STK33: variants seen among roughly 807,000 people sequenced by gnomAD.
The protein encoded by STK33 is serine/threonine kinase 33.
A neutral mutation model predicts 58.0 loss-of-function variants in STK33; 52 were observed. That is an observed-to-expected ratio of 0.90 (90% CI 0.72 to 1.13). STK33 has a LOEUF of 1.13. Ranked by LOEUF, STK33 falls within the 50% of genes most tolerant of loss-of-function variation. The pLI, the probability that STK33 is intolerant of heterozygous loss-of-function variation, is 0.00. For missense variants in STK33, 630 were observed against 604.2 expected, an observed-to-expected ratio of 1.04 and a Z score of -0.45; for synonymous variants, 215 against 200.1, an observed-to-expected ratio of 1.07 and a Z score of -0.63.
chr11:8,462,440 TATACAC>T (rs1403195355), intron 7 of STK33, among the ~76,000 whole-genome samples: 3,693 of 126,460 alleles, frequency 0.029, 162 homozygotes, highest in African/African-American at 0.093. Flanking sequence ...TATATACATA[TATACAC>T]ACACACACAC....
At chr11:8,499,568 T>TG (rs1951345564) in intron 1 of STK33, among the ~76,000 whole-genome samples, 1 of 152,184 alleles carries the variant, frequency 6.6e-6, no homozygotes, top group Admixed American at 6.5e-5. Context: ...ATCCCATTAC[T>TG]GGGTATATAC....
intron 1 of STK33, among the ~76,000 whole-genome samples, chr11:8,553,538 C>T (rs527429502): frequency 7.9e-5 from 12 of 151,982 alleles, no homozygotes; most frequent in South Asian, 4.2e-4. Flanking sequence ...TGTTGTTATA[C>T]GCTATACGAC....
At chr11:8,383,514 G>C in the STK33 span, among the ~76,000 whole-genome samples, 2 of 152,182 alleles carry the variant, frequency 1.3e-5, no homozygotes, top group African/African-American at 4.8e-5. Context: ...TGAAGGAACA[G>C]TTCAGACAGT....
At chr11:8,544,814 T>C (rs1414513975) in intron 1 of STK33, among the ~76,000 whole-genome samples, 1 of 152,204 alleles carries the variant, frequency 6.6e-6, no homozygotes, top group African/African-American at 2.4e-5. Flanking sequence ...CAATTATAAA[T>C]GTTTACACAT....
At chr11:8,354,474 TCACACA>T in the STK33 span, among the ~76,000 whole-genome samples, 216 of 124,682 alleles carry the variant, frequency 1.7e-3, no homozygotes, top group East Asian at 7.4e-3. Flanking sequence ...CTGCAAAACC[TCACACA>T]CACACACACA....
chr11:8,489,257 CAAAAAAAAAAAAAAGAA>C (rs1256934616), intron 1 of STK33, among the ~76,000 whole-genome samples: 1 of 64,364 alleles, frequency 1.6e-5, no homozygotes, highest in Non-Finnish European at 2.9e-5. Flanking sequence ...AAGCTATCTC[CAAAAAAAAAAAAAAGAA>C]AAAAAAAAAG....
the STK33 span, among the ~76,000 whole-genome samples, chr11:8,364,490 G>T: frequency 6.6e-6 from 1 of 152,188 alleles, no homozygotes; most frequent in African/African-American, 2.4e-5. Flanking sequence ...TGATGTGATT[G>T]GTCATTGATC....
intron 10 of STK33, among the ~76,000 whole-genome samples, chr11:8,454,432 A>G (rs1312359138): frequency 2.0e-5 from 3 of 152,214 alleles, no homozygotes; most frequent in Non-Finnish European, 2.9e-5. Context: ...TCTGTAACAC[A>G]TTTACATCAA....
At chr11:8,397,790 T>C (rs920758019) in intron 15 of STK33, among the ~76,000 whole-genome samples, 1 of 151,990 alleles carries the variant, frequency 6.6e-6, no homozygotes. Flanking sequence ...CTGAAAACCA[T>C]GGCATGAGAA....
At chr11:8,512,193 T>A (rs1164064823) in intron 1 of STK33, among the ~76,000 whole-genome samples, 1 of 152,212 alleles carries the variant, frequency 6.6e-6, no homozygotes, top group Non-Finnish European at 1.5e-5. Flanking sequence ...TAAGTTTTCC[T>A]TGCTACTTAT....
At chr11:8,510,797 A>G (rs1453369540) in intron 1 of STK33, among the ~76,000 whole-genome samples, 3 of 152,064 alleles carry the variant, frequency 2.0e-5, no homozygotes, top group Non-Finnish European at 4.4e-5. Context: ...TGCTTTGTTG[A>G]AGGTCAGTTG....
At chr11:8,396,996 C>A (rs573911911) in intron 15 of STK33, among the ~76,000 whole-genome samples, 211 of 152,326 alleles carry the variant, frequency 1.4e-3, no homozygotes, top group Middle Eastern at 6.8e-3. Context: ...CACCGCAGCT[C>A]AAGGAGGCCT....
chr11:8,579,363 T>C (rs1345176904), intron 1 of STK33, among the ~76,000 whole-genome samples: 3 of 152,048 alleles, frequency 2.0e-5, no homozygotes, highest in African/African-American at 7.2e-5. Flanking sequence ...TGTATCCCTA[T>C]TTTAACAATT....
At chr11:8,591,807 G>T (rs1172971538) in intron 1 of STK33, among the ~76,000 whole-genome samples, 3 of 151,278 alleles carry the variant, frequency 2.0e-5, no homozygotes, top group Non-Finnish European at 4.4e-5. Context: ...GACACAGGAA[G>T]GGAAACATCA....
chr11:8,414,865 G>C (rs1330624165), intron 14 of STK33, among the ~76,000 whole-genome samples: 14 of 152,060 alleles, frequency 9.2e-5, no homozygotes, highest in Admixed American at 9.2e-4. Flanking sequence ...CATAGCAAGA[G>C]CCTACATTTC....
chr11:8,466,042 A>G (rs1188908684), intron 6 of STK33: 1 of 152,170 alleles, frequency 6.6e-6, no homozygotes, highest in Non-Finnish European at 1.5e-5. Context: ...AACATGGAAA[A>G]GACCCACCCT....
At chr11:8,524,571 T>G (rs1280021014) in intron 1 of STK33, among the ~76,000 whole-genome samples, 1 of 152,152 alleles carries the variant, frequency 6.6e-6, no homozygotes, top group Non-Finnish European at 1.5e-5. Flanking sequence ...CATGATGAAC[T>G]ATCTTAACAC....
intron 9 of STK33, among the ~76,000 whole-genome samples, chr11:8,457,040 T>C (rs1946940856): frequency 6.6e-6 from 1 of 152,234 alleles, no homozygotes; most frequent in Non-Finnish European, 1.5e-5. Context: ...TCTAATGTTA[T>C]GATTAATAGA....
chr11:8,349,900 A>T, the STK33 span, among the ~76,000 whole-genome samples: 1 of 152,162 alleles, frequency 6.6e-6, no homozygotes, highest in African/African-American at 2.4e-5. Flanking sequence ...TCCTTCATAA[A>T]TCATGTGCGT....
Sources: gnomAD v4.1 joint callset for allele counts (sites outside exome capture counted in the v4.1 genomes callset) on GRCh38, gnomAD v4.1.1 for gene constraint, MANE v1.5 for transcripts, NCBI Gene and HGNC (gene_info 2026-07-23, HGNC 2026-07-21) for gene names.